The following NLGN1 variants were observed in gnomAD, a reference collection of about 807,000 sequenced individuals.
NLGN1 encodes the protein neuroligin-1.
Under a neutral mutation model 65.5 loss-of-function variants are expected in NLGN1, and 12 were observed. The observed-to-expected ratio is 0.18, with a 90% CI of 0.12 to 0.30. NLGN1 has a LOEUF of 0.30. Among genes scored for constraint, NLGN1 ranks in the 10% least tolerant of loss-of-function variants. The pLI, the probability that NLGN1 is intolerant of heterozygous loss-of-function variation, is 1.00. For synonymous variants in NLGN1, 350 were observed against 359.5 expected, an observed-to-expected ratio of 0.97 and a Z score of 0.30; for missense variants, 750 against 1,007.1, an observed-to-expected ratio of 0.74 and a Z score of 3.46.
intron 4 of NLGN1, among the ~76,000 whole-genome samples, chr3:174,111,925 A>G (rs768064482): frequency 7.2e-5 from 11 of 152,002 alleles, no homozygotes; most frequent in Non-Finnish European, 1.5e-4. Flanking sequence ...CATGCTAAAC[A>G]TATCGACTCT....
chr3:173,602,055 C>T (rs926988396), intron 2 of NLGN1, among the ~76,000 whole-genome samples: 11 of 151,986 alleles, frequency 7.2e-5, no homozygotes, highest in African/African-American at 2.7e-4. Flanking sequence ...GCAACGGGCT[C>T]CTGGATCTGC....
At chr3:173,575,316 T>C (rs1745338371) in intron 2 of NLGN1, among the ~76,000 whole-genome samples, 1 of 152,258 alleles carries the variant, frequency 6.6e-6, no homozygotes, top group South Asian at 2.1e-4. Context: ...GTTTATGGAA[T>C]CTTGTTTGAA....
At chr3:173,730,200 G>C (rs1478477305) in intron 3 of NLGN1, among the ~76,000 whole-genome samples, 1 of 151,134 alleles carries the variant, frequency 6.6e-6, no homozygotes, top group East Asian at 1.9e-4. Context: ...GAAATACCAG[G>C]ATACAAGAGA....
chr3:173,963,730 G>A (rs1247298141), intron 4 of NLGN1, among the ~76,000 whole-genome samples: 1 of 152,178 alleles, frequency 6.6e-6, no homozygotes, highest in East Asian at 1.9e-4. Flanking sequence ...AGCTGAAAAT[G>A]TTGAATTATG....
chr3:173,992,625 C>A (rs543059386), intron 4 of NLGN1, among the ~76,000 whole-genome samples: 1 of 152,000 alleles, frequency 6.6e-6, no homozygotes, highest in African/African-American at 2.4e-5. Context: ...TGATTTTGTC[C>A]AAAAATAGAT....
chr3:173,430,931 A>G (rs1404193615), intron 1 of NLGN1, among the ~76,000 whole-genome samples: 3 of 152,348 alleles, frequency 2.0e-5, no homozygotes, highest in East Asian at 3.9e-4. Context: ...TTCTTTATAA[A>G]GTACCCAGCC....
intron 4 of NLGN1, among the ~76,000 whole-genome samples, chr3:174,016,446 T>C (rs1025205275): frequency 6.6e-6 from 1 of 152,164 alleles, no homozygotes; most frequent in Non-Finnish European, 1.5e-5. Flanking sequence ...CGGAAAGAGC[T>C]GCTTTATTAT....
chr3:174,186,471 T>G (rs1731419456), intron 4 of NLGN1, among the ~76,000 whole-genome samples: 1 of 152,084 alleles, frequency 6.6e-6, no homozygotes, highest in South Asian at 2.1e-4. Context: ...GAGTTTTTCC[T>G]AATGTCTCTG....
intron 4 of NLGN1, among the ~76,000 whole-genome samples, chr3:174,249,885 G>A (rs1414811111): frequency 6.6e-6 from 1 of 152,158 alleles, no homozygotes; most frequent in Non-Finnish European, 1.5e-5. Context: ...AATGGGTCAT[G>A]CATTTGTTCC....
chr3:173,800,409 C>G (rs1715205144), intron 3 of NLGN1: 1 of 576,020 alleles, frequency 1.7e-6, no homozygotes, highest in African/African-American at 2.0e-5. Flanking sequence ...CTTTTTCCAC[C>G]CCTTTCTATT....
intron 4 of NLGN1, among the ~76,000 whole-genome samples, chr3:173,833,830 C>G (rs1036972065): frequency 6.6e-6 from 1 of 152,122 alleles, no homozygotes; most frequent in Admixed American, 6.5e-5. Context: ...CATGTTTTCT[C>G]CTATAGGAGT....
intron 3 of NLGN1, among the ~76,000 whole-genome samples, chr3:173,612,271 C>T (rs147492466): frequency 2.6e-5 from 4 of 152,040 alleles, no homozygotes; most frequent in Admixed American, 2.6e-4. Context: ...CTTCACATAG[C>T]CTTTTATAAC....
At chr3:173,775,665 G>A (rs1454233419) in intron 3 of NLGN1, among the ~76,000 whole-genome samples, 2 of 152,098 alleles carry the variant, frequency 1.3e-5, no homozygotes, top group Non-Finnish European at 2.9e-5. Context: ...TCACAGATAG[G>A]CAATGTTAAC....
At chr3:173,543,315 T>C (rs1336321632) in intron 2 of NLGN1, among the ~76,000 whole-genome samples, 1 of 152,178 alleles carries the variant, frequency 6.6e-6, no homozygotes, top group Non-Finnish European at 1.5e-5. Flanking sequence ...AAAATGGATG[T>C]ATTGCTAATG....
intron 4 of NLGN1, among the ~76,000 whole-genome samples, chr3:174,184,511 C>T (rs1561239289): frequency 1.3e-5 from 2 of 151,984 alleles, no homozygotes; most frequent in African/African-American, 2.4e-5. Flanking sequence ...TTTTAATCCC[C>T]AGATAAAAAG....
At chr3:173,416,419 G>A (rs1480182621) in intron 1 of NLGN1, among the ~76,000 whole-genome samples, 1 of 152,180 alleles carries the variant, frequency 6.6e-6, no homozygotes, top group African/African-American at 2.4e-5. Context: ...TTTCAGAAAT[G>A]GCCCTGAAGG....
chr3:174,292,128 A>G, the NLGN1 span, among the ~76,000 whole-genome samples: 3 of 151,288 alleles, frequency 2.0e-5, no homozygotes, highest in Non-Finnish European at 3.0e-5. Context: ...ATCAGAGTAG[A>G]AGAGGTTAAG....
chr3:173,704,182 A>G (rs569328683), intron 3 of NLGN1, among the ~76,000 whole-genome samples: 35 of 152,338 alleles, frequency 2.3e-4, no homozygotes, highest in African/African-American at 7.0e-4. Context: ...TAAACTGGGA[A>G]GACAAAGTTG....
intron 4 of NLGN1, among the ~76,000 whole-genome samples, chr3:173,974,788 C>G (rs144934549): frequency 6.6e-5 from 10 of 152,090 alleles, no homozygotes; most frequent in Admixed American, 2.0e-4. Flanking sequence ...TTTGTCAGTC[C>G]TAGCATATAG....
Sources: gnomAD v4.1 joint callset for allele counts (sites outside exome capture counted in the v4.1 genomes callset) on GRCh38, gnomAD v4.1.1 for gene constraint, MANE v1.5 for transcripts, NCBI Gene and HGNC (gene_info 2026-07-23, HGNC 2026-07-21) for gene names.